Variants in CNOT3 observed in about 807,000 individuals in gnomAD.
CNOT3 encodes CCR4-NOT transcription complex subunit 3.
A neutral mutation model predicts 89.4 loss-of-function variants in CNOT3; 2 were observed. The observed-to-expected ratio is 0.02, with a 90% CI of 0.01 to 0.07. CNOT3 has a LOEUF of 0.07. CNOT3 is among the 10% of genes least tolerant of loss of function. The probability of loss-of-function intolerance (pLI) is 1.00; values close to 1 mark genes in which losing one functional copy is unlikely to be tolerated. For missense variants in CNOT3, 664 were observed against 1,010.2 expected, an observed-to-expected ratio of 0.66 and a Z score of 4.65; for synonymous variants, 486 against 402.0, an observed-to-expected ratio of 1.21 and a Z score of -2.50.
chr19:54,153,117 C>T (rs2146775058), intron 16 of CNOT3, 118 bp downstream of exon 16: 1 of 825,756 alleles, frequency 1.2e-6, no homozygotes, highest in East Asian at 2.4e-5. Context: ...GGACCGCACC[C>T]CCTCCCTATT....
intron 1 of CNOT3, among the ~76,000 whole-genome samples, chr19:54,138,951 C>T (rs1486261106): frequency 5.3e-5 from 8 of 152,226 alleles, no homozygotes; most frequent in Admixed American, 3.9e-4. Flanking sequence ...TGCATCGTGA[C>T]TCTCCGACCT....
At chr19:54,152,115 G>T in intron 13 of CNOT3, 111 bp from the exon 14 acceptor site, 2 of 1,081,866 alleles carry the variant, frequency 1.8e-6, no homozygotes, top group African/African-American at 1.6e-5. Context: ...GTGGGTCGTT[G>T]GCCCTCCACG....
intron 16 of CNOT3, chr19:54,153,286 G>C (rs1285972448): frequency 3.9e-6 from 3 of 761,762 alleles, no homozygotes; most frequent in Admixed American, 3.4e-5. Flanking sequence ...CCCCTCCCCA[G>C]CCCTGCTCCA....
rs2074574500 is a variant in CNOT3, at chr19:54,144,410, A to G, written c.483+78A>G. ...CTGGCCAGCAGGAGGCCAGTCATTT[A>G]TGCTCCTGGGAGTTGGGGCCTGGAT... is the stretch of plus-strand genomic sequence containing the variant. On this transcript the variant is annotated intron_variant, in intron 7 of 17. Transcript: ENST00000221232. This position sits in a 1 kb window ranked among gnomAD's most constrained non-coding sequence, Gnocchi z 4.8. 1.9e-6 allele frequency: 2 copies of G among 1,073,092 alleles called. No homozygotes were observed. The highest frequency in any genetic ancestry group is 2.9e-6 in the Non-Finnish European group (2 of 700,728). The allele number at this position is 1,073,092 out of a possible 1,614,324, so 66.5% of individuals were successfully genotyped here.
chr19:54,143,356 G>A lies in CNOT3; in HGVS notation c.94-86G>A. ...GGGGTAGGGGTTGGGGGGGGTCCTC[G>A]AGTCCCTAGCATAAGGAAGAATCAC... On this transcript the variant is annotated intron_variant, in intron 3 of 17. Coordinates refer to ENST00000221232, the MANE Select transcript of CNOT3 (RefSeq NM_014516.4). 8 of 1,428,530 alleles carry A rather than the reference G, an allele frequency of 5.6e-6. No homozygotes were observed. The East Asian group carries it at 1.1e-4, about 20-fold the overall frequency. The allele number at this position is 1,428,530 out of a possible 1,614,324, so 88.5% of individuals were successfully genotyped here.
In CNOT3 at chr19:54,144,204, C is replaced by CT. The variant is rs1173106363; in HGVS notation, c.388-32dup. ...GCCCTGGGTGTAGGCGGAACCCTAG[C>CT]TGATGGGCTTCCTCTTCCTCTCCCT... On this transcript the variant is annotated intron_variant, in intron 6 of 17. Coordinates refer to ENST00000221232, the MANE Select transcript of CNOT3 (RefSeq NM_014516.4). This position sits in a 1 kb window ranked among gnomAD's most constrained non-coding sequence, Gnocchi z 4.8. 2 of 1,612,920 alleles carry CT rather than the reference C, an allele frequency of 1.2e-6. No individual in the cohort carries two copies.
intron 3 of CNOT3, 51 bp from the exon 4 acceptor site, chr19:54,143,391 T>C (rs1352383460): frequency 1.3e-6 from 2 of 1,544,970 alleles, no homozygotes. Context: ...CTGGAGTGGG[T>C]ACTGGGACAT....
At chr19:54,140,788 G>A (rs1259157148) in intron 1 of CNOT3, among the ~76,000 whole-genome samples, 1 of 152,036 alleles carries the variant, frequency 6.6e-6, no homozygotes, top group Non-Finnish European at 1.5e-5. Flanking sequence ...CCTGGCTTGT[G>A]ACCCCTCCAG....
intron 5 of CNOT3, 70 bp from the exon 6 acceptor site, chr19:54,143,936 G>A (rs1450707566): frequency 2.4e-5 from 38 of 1,569,060 alleles, no homozygotes; most frequent in Middle Eastern, 1.7e-4. Flanking sequence ...TCAGGTCGGA[G>A]TGTCTGCTGG....
chr19:54,145,832 C>T lies in CNOT3; in HGVS notation c.703+15C>T. 2 of 1,608,782 alleles carry T rather than the reference C, an allele frequency of 1.2e-6. No homozygotes were observed. The highest frequency in any genetic ancestry group is 1.3e-5 in the African/African-American group (1 of 74,960). ...CGAGGACATTCGTGAGGCCCTGGGG[C>T]TGATCGTGGCACAGGAAGTGAGGGC... On this transcript the variant is annotated intron_variant, in intron 8 of 17. Coordinates refer to ENST00000221232, the MANE Select transcript of CNOT3 (RefSeq NM_014516.4). This position sits in a 1 kb window ranked among gnomAD's most constrained non-coding sequence, Gnocchi z 5.9.
chr19:54,154,096 C>T lies in CNOT3; in HGVS notation c.2163+256C>T, dbSNP rs2075292808. The stretch of plus-strand genomic sequence containing the variant: ...TTCCTCAAAGAAACCTTCCTGGAGC[C>T]ACCCAGCCCAGTGCCTCCCCTTTGC... On this transcript the variant is annotated intron_variant, in intron 17 of 17. Transcript: ENST00000221232. The T allele has an allele frequency of 7.3e-6, 5 of 683,910 alleles. No individual in the cohort carries two copies. In the East Asian group the frequency reaches 1.2e-4, roughly 16 times the overall value. The allele number at this position is 683,910 out of a possible 1,614,324, so 42.4% of individuals were successfully genotyped here.
At chr19:54,150,488 GATC>G (rs2075014108) in intron 13 of CNOT3, among the ~76,000 whole-genome samples, 1 of 150,362 alleles carries the variant, frequency 6.7e-6, no homozygotes, top group Admixed American at 6.6e-5. Flanking sequence ...GTGGGGTCCT[GATC>G]ATCGAGGGTC....
chr19:54,152,529 G>C lies in CNOT3; in HGVS notation c.1807G>C (p.Gly603Arg). 1 of 1,614,172 alleles carries C rather than the reference G, an allele frequency of 6.2e-7. No homozygotes were observed. The highest frequency in any genetic ancestry group is 8.5e-7 in the Non-Finnish European group (1 of 1,180,018). ...IPLSLGVCPL[G>R]PVPLTKEQLY... is the part of the protein sequence containing the mutation. ...GCTGTCGCTGGGTGTCTGTCCACTGGGCCCTGTGCCCCTCACCAAGGAGCA... is the reference window on the plus strand; with the variant it reads ...GCTGTCGCTGGGTGTCTGTCCACTGCGCCCTGTGCCCCTCACCAAGGAGCA... Residue 603 changes from glycine to arginine, a missense_variant, in exon 15 of 18, where the codon GGC becomes CGC. By Grantham distance (125) the Gly-to-Arg change is moderately radical (BLOSUM62 -2). Around this residue, in one of 8 missense-constraint regions of CNOT3, gnomAD observed 545 missense variants for 566.2 expected, o/e 0.96. Coordinates refer to ENST00000221232, the MANE Select transcript of CNOT3 (RefSeq NM_014516.4).
At chr19:54,143,578 C>T (rs2074544377) in intron 4 of CNOT3, 62 bp downstream of exon 4, 3 of 1,604,664 alleles carry the variant, frequency 1.9e-6, no homozygotes, top group Non-Finnish European at 2.6e-6. Flanking sequence ...GGAGAGTGGA[C>T]TGCTGGGTCC....
At chr19:54,149,835 C>T (rs1159129731) in intron 13 of CNOT3, 77 bp downstream of exon 13, 2 of 1,394,504 alleles carry the variant, frequency 1.4e-6, no homozygotes, top group Non-Finnish European at 1.9e-6. Flanking sequence ...TAGCTGCACC[C>T]CTTGCCCCCA....
chr19:54,141,738 C>T (rs1340038584), intron 1 of CNOT3: 2 of 152,220 alleles, frequency 1.3e-5, no homozygotes, highest in Admixed American at 6.5e-5. Context: ...TAAGTGACTA[C>T]TCCAGGGTTC....
At chr19:54,154,962 A>AAGTACAGG in intron 17 of CNOT3, 1 of 283,436 alleles carries the variant, frequency 3.5e-6, no homozygotes, top group Non-Finnish European at 6.6e-6. Context: ...GTGAAGATTA[A>AAGTACAGG]ATGCTAGGCT....
Position 54,149,634 on chromosome 19 carries a change from C to T in CNOT3, c.1481C>T (p.Pro494Leu). The T allele has an allele frequency of 6.2e-7, 1 of 1,613,784 alleles. No homozygotes were observed. Among genetic ancestry groups the T allele is most frequent in the East Asian group, 2.2e-5 (1 of 44,852 alleles). Reference protein sequence around the residue: ...APGSGNNSGGPSLLVPLPVNP... With the variant: ...APGSGNNSGGLSLLVPLPVNP... ...GGCTCAGGGAACAACTCAGGGGGAC[C>T]CAGCCTCCTGGTGCCACTGCCTGTG... Residue 494 changes from proline (P) to leucine (L), a missense_variant, in exon 13 of 18, where the codon CCC (proline) becomes CTC (leucine). Pro to Leu is a moderately conservative substitution (Grantham distance 98). This residue lies in a region of CNOT3 where 545 missense variants were observed against 566.2 expected (regional missense o/e 0.96). Transcript: ENST00000221232.
chr19:54,140,172 T>G (rs976503680), intron 1 of CNOT3, among the ~76,000 whole-genome samples: 1 of 152,122 alleles, frequency 6.6e-6, no homozygotes, highest in South Asian at 2.1e-4. Context: ...AGATGAAGTC[T>G]GGGGGGCTCT....
Sources: gnomAD v4.1 joint callset for allele counts (sites outside exome capture counted in the v4.1 genomes callset) on GRCh38, gnomAD v4.1.1 for gene constraint, gnomAD v4.1.1 regional missense constraint, Gnocchi (gnomAD v3.1) non-coding constraint, MANE v1.5 for transcripts, NCBI Gene and HGNC (gene_info 2026-07-23, HGNC 2026-07-21) for gene names.